Variants in AIG1 observed in about 807,000 individuals in gnomAD.
AIG1 encodes the protein androgen-induced gene 1 protein.
In AIG1, 23 loss-of-function variants were observed where a neutral mutation model predicts 31.4. The ratio of observed to expected loss-of-function variants is 0.73; its 90% CI spans 0.53 to 1.04. AIG1 has a LOEUF of 1.04. Among genes scored for constraint, AIG1 ranks in the 50% least tolerant of loss-of-function variants. The pLI is 0.00. For missense variants in AIG1, 274 were observed against 295.0 expected (o/e 0.93, Z 0.52); for synonymous variants, 100 against 110.5 (o/e 0.90, Z 0.60).
chr6:143,281,707 T>C (rs1311539456), intron 3 of AIG1, among the ~76,000 whole-genome samples: 2 of 152,232 alleles, frequency 1.3e-5, no homozygotes, highest in African/African-American at 4.8e-5. Context: ...TAATACGTAC[T>C]ATGTATAAAT....
At chr6:143,212,963 G>A (rs1791704187) in intron 3 of AIG1, among the ~76,000 whole-genome samples, 1 of 152,188 alleles carries the variant, frequency 6.6e-6, no homozygotes. Context: ...AGATATGACA[G>A]AGGGAGAAAA....
intron 3 of AIG1, chr6:143,190,188 G>T (rs947307051): frequency 6.6e-5 from 65 of 984,816 alleles, no homozygotes; most frequent in Non-Finnish European, 7.6e-5. Context: ...CCCATAGCAG[G>T]ATGAGAAAAA....
chr6:143,060,026 G>T (rs1362056213), upstream of AIG1, among the ~76,000 whole-genome samples: 1 of 152,196 alleles, frequency 6.6e-6, no homozygotes, highest in African/African-American at 2.4e-5. Context: ...TAAATTACAC[G>T]CAGGGGTTTT....
At chr6:143,332,713 A>G (rs557830994) in intron 4 of AIG1, among the ~76,000 whole-genome samples, 1 of 152,316 alleles carries the variant, frequency 6.6e-6, no homozygotes, top group South Asian at 2.1e-4. Flanking sequence ...TAAAGAAGAG[A>G]TTTAAAAGAT....
chr6:143,125,935 C>G (rs1782650482), intron 1 of AIG1, among the ~76,000 whole-genome samples: 1 of 152,138 alleles, frequency 6.6e-6, no homozygotes, highest in South Asian at 2.1e-4. Context: ...TGAGATGGAG[C>G]AGTATGAGGT....
chr6:143,191,783 A>G (rs929670966), intron 3 of AIG1, among the ~76,000 whole-genome samples: 4 of 152,352 alleles, frequency 2.6e-5, no homozygotes, highest in African/African-American at 9.6e-5. Context: ...AAAAATTTTA[A>G]TGACATTTAT....
chr6:143,186,521 T>C (rs974412069), intron 3 of AIG1: 2 of 152,242 alleles, frequency 1.3e-5, no homozygotes, highest in Non-Finnish European at 2.9e-5. Flanking sequence ...ACCCTGTATA[T>C]TCAGGTGCTG....
At chr6:143,337,484 G>A (rs1777586954) in intron 5 of AIG1, among the ~76,000 whole-genome samples, 1 of 152,028 alleles carries the variant, frequency 6.6e-6, no homozygotes, top group East Asian at 1.9e-4. Flanking sequence ...CAGTTTGGCG[G>A]GGTGGAGCGC....
At chr6:143,117,274 A>C (rs73777876) in intron 1 of AIG1, among the ~76,000 whole-genome samples, 18,640 of 151,996 alleles carry the variant, frequency 0.12, 3,360 homozygotes, top group African/African-American at 0.4. Flanking sequence ...GGACATGTTG[A>C]TAAGGACTTT....
intron 3 of AIG1, among the ~76,000 whole-genome samples, chr6:143,277,023 G>C (rs568750064): frequency 4.3e-4 from 65 of 152,198 alleles, no homozygotes; most frequent in African/African-American, 1.5e-3. Flanking sequence ...TGACTTATTT[G>C]GGAAGCCTAG....
chr6:143,126,717 C>T (rs1448286174), intron 1 of AIG1, among the ~76,000 whole-genome samples: 1 of 152,252 alleles, frequency 6.6e-6, no homozygotes, highest in East Asian at 1.9e-4. Context: ...TATAAAGTAC[C>T]TCATGATATG....
chr6:143,072,686 C>T (rs1219570711), intron 1 of AIG1, among the ~76,000 whole-genome samples: 1 of 151,954 alleles, frequency 6.6e-6, no homozygotes, highest in African/African-American at 2.4e-5. Context: ...TGAATTTCGT[C>T]TTATGCTTTG....
chr6:143,087,471 C>G (rs1004506751), intron 1 of AIG1, among the ~76,000 whole-genome samples: 11 of 152,204 alleles, frequency 7.2e-5, no homozygotes, highest in Non-Finnish European at 1.2e-4. Flanking sequence ...AGACTTTAGT[C>G]TGATCAGAGC....
chr6:143,244,437 G>C (rs879443064), intron 3 of AIG1, among the ~76,000 whole-genome samples: 1 of 152,206 alleles, frequency 6.6e-6, no homozygotes, highest in Non-Finnish European at 1.5e-5. Context: ...AAAAATCCCA[G>C]TCTAAGGTAT....
chr6:143,187,939 A>T, intron 3 of AIG1: 1 of 1,275,536 alleles, frequency 7.8e-7, no homozygotes, highest in Non-Finnish European at 9.9e-7. Flanking sequence ...ATAAGGAATG[A>T]TACTTGCTCT....
intron 3 of AIG1, among the ~76,000 whole-genome samples, chr6:143,197,158 G>A (rs1270557854): frequency 6.7e-6 from 1 of 148,906 alleles, no homozygotes; most frequent in Non-Finnish European, 1.5e-5. Context: ...AAGTTCAAAT[G>A]TTTCTCGACA....
intron 4 of AIG1, among the ~76,000 whole-genome samples, chr6:143,322,981 A>C (rs1453435323): frequency 6.6e-6 from 1 of 152,150 alleles, no homozygotes; most frequent in African/African-American, 2.4e-5. Context: ...TAAATTGACT[A>C]TGCCAAAAAC....
intron 3 of AIG1, among the ~76,000 whole-genome samples, chr6:143,230,241 T>C (rs1310284451): frequency 6.6e-6 from 1 of 152,092 alleles, no homozygotes; most frequent in Non-Finnish European, 1.5e-5. Context: ...GGGGAATGAT[T>C]TTACTACTTA....
intron 3 of AIG1, among the ~76,000 whole-genome samples, chr6:143,191,320 TA>T (rs1789770941): frequency 6.6e-6 from 1 of 152,152 alleles, no homozygotes; most frequent in South Asian, 2.1e-4. Context: ...AAAAGCATAC[TA>T]CAAGTTTCAA....
Sources: allele counts gnomAD v4.1 joint callset (sites outside exome capture counted in the v4.1 genomes callset), GRCh38; gene constraint gnomAD v4.1.1; transcripts MANE v1.5; gene names NCBI Gene and HGNC (gene_info 2026-07-23, HGNC 2026-07-21).